Variants in ETNK2 observed in about 807,000 individuals in gnomAD.
ETNK2 encodes the protein ethanolamine kinase-like protein.
ETNK2 carries 33 observed loss-of-function variants against 46.2 expected under a neutral mutation model. The observed-to-expected ratio is 0.71, with a 90% CI of 0.54 to 0.96. ETNK2 has a LOEUF of 0.96. Ranked by LOEUF, ETNK2 falls within the 40% of genes least tolerant of loss-of-function variation. ETNK2 has a pLI of 0.00. For synonymous variants in ETNK2, 194 were observed against 209.0 expected (o/e 0.93, Z 0.62); for missense variants, 445 against 509.7 (o/e 0.87, Z 1.22).
At position 204,151,498 on chromosome 1, in the gene ETNK2, T is replaced by C; in HGVS notation, c.258+97A>G. The C allele has an allele frequency of 6.7e-7, 1 of 1,500,270 alleles. No homozygotes were observed. The highest frequency in any genetic ancestry group is 9.0e-7 in the Non-Finnish European group (1 of 1,114,470). The allele number at this position is 1,500,270 out of a possible 1,614,324, so 92.9% of individuals were successfully genotyped here. On this transcript the variant is annotated intron_variant, in intron 1 of 7. Transcript: ENST00000367202. This position sits in a 1 kb window ranked among gnomAD's most constrained non-coding sequence, Gnocchi z 8.0. The stretch of plus-strand genomic sequence containing the variant: ...TTCTTGCGCAGCAGCCGCGCACCCC[T>C]GGGACTGACACCCGGAAGGATGCGA...
At chr1:204,140,550 A>G (rs1657469312) in intron 4 of ETNK2, among the ~76,000 whole-genome samples, 1 of 150,652 alleles carries the variant, frequency 6.6e-6, no homozygotes, top group Admixed American at 6.6e-5. Context: ...TTTGAGACAG[A>G]GTCTCGCTCT....
chr1:204,140,530 CTT>C (rs111395792), intron 4 of ETNK2, among the ~76,000 whole-genome samples: 2 of 146,340 alleles, frequency 1.4e-5, no homozygotes, highest in Admixed American at 6.8e-5. Context: ...TTGTTTTTGT[CTT>C]TTTTTTTTTT....
At position 204,151,329 on chromosome 1, in the gene ETNK2, C is replaced by G. The variant is rs1042476947; in HGVS notation, c.258+266G>C. The G allele has an allele frequency of 1.1e-5, 6 of 558,716 alleles. No homozygotes were observed. In the African/African-American group the frequency reaches 1.2e-4, roughly 11 times the overall value. The allele number at this position is 558,716 out of a possible 1,614,324, so 34.6% of individuals were successfully genotyped here. A position where few individuals can be genotyped will look rare whatever the true frequency, so the allele number is the denominator to read the frequency against. On this transcript the variant is annotated intron_variant, in intron 1 of 7. Coordinates refer to ENST00000367202, the MANE Select transcript of ETNK2 (RefSeq NM_018208.4). This position sits in a 1 kb window ranked among gnomAD's most constrained non-coding sequence, Gnocchi z 8.0. ...AGCGACAGGGGGTGCGGCCCGCACA[C>G]GCAGCATGCCGACAGTGGGCAGGTG...
chr1:204,131,238 C>G lies in ETNK2; in HGVS notation c.*946G>C, dbSNP rs1365255117. 1 of 152,458 alleles carries G rather than the reference C, an allele frequency of 6.6e-6. No homozygotes were observed. Among genetic ancestry groups the G allele is most frequent in the Admixed American group, 6.5e-5 (1 of 15,284 alleles). 9.4% of individuals were successfully genotyped at this position (152,458 alleles called of 1,614,324 possible). A position where few individuals can be genotyped will look rare whatever the true frequency, so the allele number is the denominator to read the frequency against. On this transcript the variant is annotated 3_prime_UTR_variant, in exon 8 of 8. Coordinates refer to ENST00000367202, the MANE Select transcript of ETNK2 (RefSeq NM_018208.4). The surrounding 1 kb of genome is among the most constrained non-coding windows in gnomAD (Gnocchi z 4.3). ...CCTTTCTGATGGGATCCTGCCCAGG[C>G]TCTCCCACGATAGGCCCTGGGGGGC... is the stretch of plus-strand genomic sequence containing the variant.
At chr1:204,141,208 G>T in intron 4 of ETNK2, 107 bp downstream of exon 4, 2 of 1,350,318 alleles carry the variant, frequency 1.5e-6, no homozygotes, top group South Asian at 1.2e-5. Context: ...CCTAAATCAA[G>T]GTCTAACTTT....
intron 4 of ETNK2, among the ~76,000 whole-genome samples, chr1:204,140,678 C>T (rs1657478354): frequency 6.6e-6 from 1 of 151,878 alleles, no homozygotes; most frequent in Non-Finnish European, 1.5e-5. Flanking sequence ...GCGCACACCA[C>T]CATGCCCAGC....
chr1:204,144,345 CAAAAAAA>C (rs141761706), intron 3 of ETNK2, among the ~76,000 whole-genome samples: 23 of 33,346 alleles, frequency 6.9e-4, no homozygotes, highest in Admixed American at 2.7e-3. Context: ...GAATCCATCT[CAAAAAAA>C]AAAAAAAAAA....
intron 5 of ETNK2, 116 bp from the exon 6 acceptor site, chr1:204,137,365 G>T (rs1372178973): frequency 1.2e-5 from 16 of 1,361,406 alleles, no homozygotes; most frequent in Non-Finnish European, 1.6e-5. Flanking sequence ...GATCTTTGGG[G>T]CTGTGCCCAA....
At chr1:204,144,345 C>CAAAAAAAAA (rs141761706) in intron 3 of ETNK2, among the ~76,000 whole-genome samples, 7 of 33,342 alleles carry the variant, frequency 2.1e-4, no homozygotes, top group African/African-American at 3.6e-4. Flanking sequence ...GAATCCATCT[C>CAAAAAAAAA]AAAAAAAAAA....
chr1:204,134,891 A>G (rs1368982726), intron 6 of ETNK2, among the ~76,000 whole-genome samples: 1 of 152,190 alleles, frequency 6.6e-6, no homozygotes, highest in Non-Finnish European at 1.5e-5. Flanking sequence ...CAACCTAAGC[A>G]GGACCCACAC....
At chr1:204,140,139 G>T in intron 4 of ETNK2, 21 bp from the exon 5 acceptor site, 2 of 1,602,510 alleles carry the variant, frequency 1.2e-6, no homozygotes, top group Non-Finnish European at 1.7e-6. Context: ...GAGGAGAATC[G>T]ATGAGAGTTG....
At chr1:204,147,018 A>G (rs950896574) in intron 2 of ETNK2, 2 of 615,388 alleles carry the variant, frequency 3.2e-6, no homozygotes, top group African/African-American at 3.6e-5. Flanking sequence ...CTCAGGGAGC[A>G]GAAGGGCAGA....
At chr1:204,143,431 C>T (rs1055204221) in intron 3 of ETNK2, among the ~76,000 whole-genome samples, 3 of 151,704 alleles carry the variant, frequency 2.0e-5, no homozygotes, top group African/African-American at 7.3e-5. Context: ...TCTATCTCCC[C>T]GGGGCCTCCC....
chr1:204,140,314 C>T (rs76244297), intron 4 of ETNK2, among the ~76,000 whole-genome samples, 196 bp from the exon 5 acceptor site: 4 of 144,056 alleles, frequency 2.8e-5, no homozygotes, highest in African/African-American at 8.8e-5. Flanking sequence ...ATCCATCCAT[C>T]CATCCATCCA....
chr1:204,137,839 C>T (rs1657349658), intron 5 of ETNK2, among the ~76,000 whole-genome samples: 1 of 152,136 alleles, frequency 6.6e-6, no homozygotes, highest in Admixed American at 6.5e-5. Context: ...TGTAGCCAGG[C>T]TGGGAACCCA....
chr1:204,141,245 A>G, intron 4 of ETNK2, 70 bp downstream of exon 4: 2 of 1,601,346 alleles, frequency 1.2e-6, no homozygotes, highest in African/African-American at 2.7e-5. Context: ...AGCCGGAAGA[A>G]CAGCTCCGTG....
In ETNK2 at chr1:204,151,921, T is replaced by C; in HGVS notation, c.-69A>G. The C allele has an allele frequency of 1.4e-6, 2 of 1,390,444 alleles. No individual in the cohort carries two copies. Among genetic ancestry groups the C allele is most frequent in the Non-Finnish European group, 1.9e-6 (2 of 1,077,918 alleles). 86.1% of individuals were successfully genotyped at this position (1,390,444 alleles called of 1,614,324 possible). On this transcript the variant is annotated 5_prime_UTR_variant, in exon 1 of 8. Coordinates refer to ENST00000367202, the MANE Select transcript of ETNK2 (RefSeq NM_018208.4). This position sits in a 1 kb window ranked among gnomAD's most constrained non-coding sequence, Gnocchi z 8.0. ...CCGGCGGGGGGGTCCGGCGAGGGAGTGGGAGTGGTAGAGGAGGGGCCAGGG... is the reference window on the plus strand; with the variant it reads ...CCGGCGGGGGGGTCCGGCGAGGGAGCGGGAGTGGTAGAGGAGGGGCCAGGG...
At chr1:204,145,032 T>C (rs923876549) in intron 3 of ETNK2, among the ~76,000 whole-genome samples, 1 of 152,218 alleles carries the variant, frequency 6.6e-6, no homozygotes, top group African/African-American at 2.4e-5. Flanking sequence ...AATCAATGTC[T>C]GTGAAATGAA....
rs905847595 is a variant in ETNK2 at position 204,151,873 on chromosome 1, C to T, written c.-21G>A. The T allele has an allele frequency of 3.0e-5, 42 of 1,418,438 alleles. No homozygotes were observed. Among genetic ancestry groups the T allele is most frequent in the Non-Finnish European group, 3.5e-5 (38 of 1,091,860 alleles). 87.9% of individuals were successfully genotyped at this position (1,418,438 alleles called of 1,614,324 possible). A position where few individuals can be genotyped will look rare whatever the true frequency, so the allele number is the denominator to read the frequency against. On this transcript the variant is annotated 5_prime_UTR_variant, in exon 1 of 8. Coordinates refer to ENST00000367202, the MANE Select transcript of ETNK2 (RefSeq NM_018208.4). This position sits in a 1 kb window ranked among gnomAD's most constrained non-coding sequence, Gnocchi z 8.0. ...GCCATTCCCAGCAGCCCCACCCCCT[C>T]GGAGCCGCGGCAGACGCTAGCCCCG...
Sources: gnomAD v4.1 joint callset for allele counts (sites outside exome capture counted in the v4.1 genomes callset) on GRCh38, gnomAD v4.1.1 for gene constraint, Gnocchi (gnomAD v3.1) non-coding constraint, MANE v1.5 for transcripts, NCBI Gene and HGNC (gene_info 2026-07-23, HGNC 2026-07-21) for gene names.